CCDC30: variants seen among roughly 807,000 people sequenced by gnomAD.
CCDC30 encodes the protein coiled-coil domain-containing protein 30.
CCDC30 carries 70 observed loss-of-function variants against 100.2 expected under a neutral mutation model. The observed-to-expected ratio is 0.70, with a 90% confidence interval of 0.58 to 0.85. The LOEUF is 0.85. CCDC30 is among the 40% of genes least tolerant of loss of function. The pLI, the probability that CCDC30 is intolerant of heterozygous loss-of-function variation, is 0.00. For missense variants in CCDC30, 652 were observed against 771.2 expected, an observed-to-expected ratio of 0.85 and a Z score of 1.83; for synonymous variants, 233 against 269.5, an observed-to-expected ratio of 0.86 and a Z score of 1.33.
At chr1:42,462,314 G>C (rs894372800), upstream of CCDC30, among the ~76,000 whole-genome samples, 1 of 152,092 alleles carries the variant, frequency 6.6e-6, no homozygotes, top group Non-Finnish European at 1.5e-5. Context: ...ACCTGATCTT[G>C]GATGGAGGAT....
chr1:42,554,657 G>C (rs1348507782), intron 6 of CCDC30, among the ~76,000 whole-genome samples: 1 of 152,114 alleles, frequency 6.6e-6, no homozygotes, highest in Admixed American at 6.5e-5. Flanking sequence ...TGCTGTGCTA[G>C]GTTTCAGGGT....
intron 9 of CCDC30, among the ~76,000 whole-genome samples, chr1:42,588,641 T>G (rs886100657): frequency 6.6e-6 from 1 of 152,186 alleles, no homozygotes; most frequent in African/African-American, 2.4e-5. Flanking sequence ...TGTTGTTATA[T>G]TCCTCAATCT....
chr1:42,527,698 C>T lies in CCDC30; in HGVS notation c.456+28782C>T, dbSNP rs570993198. Among the ~76,000 whole-genome samples, 859 of 152,212 alleles carry T rather than the reference C, an allele frequency of 5.6e-3. 7 individuals carry two copies. Among genetic ancestry groups the T allele is most frequent in the Non-Finnish European group, 7.3e-3 (495 of 67,990 alleles). On this transcript the variant is annotated intron_variant, in intron 6 of 16. Coordinates refer to ENST00000668663, the Ensembl canonical transcript of CCDC30. ...AGAAAAGCAGACTGAATCTCTTATGCAAATCTCACTAACCTCCCATTCTTC... is the reference window on the plus strand; with the variant it reads ...AGAAAAGCAGACTGAATCTCTTATGTAAATCTCACTAACCTCCCATTCTTC...
Position 42,504,540 on chromosome 1 carries a change from C to T in CCDC30, c.456+5624C>T, listed in dbSNP as rs1932258. ...CATTTGGAGTTTGATTGCTATCTGCCATTCCAATGGGTTGTAATACTCATT... is the reference window on the plus strand; with the variant it reads ...CATTTGGAGTTTGATTGCTATCTGCTATTCCAATGGGTTGTAATACTCATT... On this transcript the variant is annotated intron_variant, in intron 6 of 16. Coordinates refer to ENST00000668663, the Ensembl canonical transcript of CCDC30. Among the ~76,000 whole-genome samples, 793 of 152,300 alleles carry T rather than the reference C, an allele frequency of 5.2e-3. 8 individuals are homozygous for T. Among genetic ancestry groups the T allele is most frequent in the African/African-American group, 0.018 (766 of 41,540 alleles).
intron 10 of CCDC30, chr1:42,593,086 C>G (rs1192151912): frequency 6.6e-6 from 1 of 152,194 alleles, no homozygotes; most frequent in African/African-American, 2.4e-5. Flanking sequence ...GTAAGTCAGT[C>G]TGACACTATC....
intron 12 of CCDC30, 117 bp downstream of exon 16, chr1:42,637,495 T>A: frequency 1.1e-6 from 1 of 943,490 alleles, no homozygotes. Context: ...CGTTTTCATT[T>A]CTTTTCTTTG....
chr1:42,472,120 GGC>G (rs1311820351), intron 1 of CCDC30, among the ~76,000 whole-genome samples: 9 of 151,998 alleles, frequency 5.9e-5, no homozygotes, highest in Non-Finnish European at 1.0e-4. Flanking sequence ...CAGGTGTGGT[GGC>G]ACACACCTGT....
chr1:42,519,362 A>G (rs557677726), intron 6 of CCDC30, among the ~76,000 whole-genome samples: 2 of 152,168 alleles, frequency 1.3e-5, no homozygotes, highest in African/African-American at 4.8e-5. Flanking sequence ...AAAGGATATT[A>G]GTTCTTTTTT....
chr1:42,597,566 T>C lies in CCDC30; in HGVS notation c.1164+8083T>C, dbSNP rs144137902. Among the ~76,000 whole-genome samples, 574 of 151,956 alleles carry C rather than the reference T, an allele frequency of 3.8e-3. 8 individuals are homozygous for C. The highest frequency in any genetic ancestry group is 0.013 in the African/African-American group (532 of 41,412). On this transcript the variant is annotated intron_variant, in intron 10 of 16. Coordinates refer to ENST00000668663, the Ensembl canonical transcript of CCDC30. ...GGTTCACACCTGTAATCCCAGCACT[T>C]TGAGAAGCCAAGACAGAAAGATCAC...
intron 9 of CCDC30, among the ~76,000 whole-genome samples, chr1:42,587,018 G>C (rs1646085329): frequency 6.6e-6 from 1 of 151,946 alleles, no homozygotes; most frequent in Admixed American, 6.6e-5. Flanking sequence ...TTTTTGTAGA[G>C]ATGGGGTCTC....
intron 6 of CCDC30, among the ~76,000 whole-genome samples, chr1:42,533,202 G>A (rs908268392): frequency 2.6e-5 from 4 of 152,158 alleles, no homozygotes; most frequent in African/African-American, 9.7e-5. Flanking sequence ...AGAGAGGAGA[G>A]AGAGGGAAGG....
At chr1:42,460,173 T>A, upstream of CCDC30, 1 of 1,197,304 alleles carries the variant, frequency 8.4e-7, no homozygotes, top group Non-Finnish European at 1.0e-6. Flanking sequence ...GAATTATATA[T>A]TCCTTAAAAT....
intron 14 of CCDC30, 129 bp downstream of exon 18, chr1:42,644,936 CAA>C: frequency 1.6e-6 from 1 of 632,816 alleles, no homozygotes; most frequent in Non-Finnish European, 2.8e-6. Context: ...TAGGCTGTGG[CAA>C]AGAGGCTCTT....
intron 12 of CCDC30, among the ~76,000 whole-genome samples, chr1:42,641,565 CA>C (rs200184915): frequency 3.4e-5 from 5 of 148,620 alleles, no homozygotes; most frequent in African/African-American, 7.4e-5. Context: ...AACAAAAAAA[CA>C]AAAAAAAACA....
chr1:42,624,063 T>C (rs1376225104), intron 11 of CCDC30, among the ~76,000 whole-genome samples: 1 of 152,206 alleles, frequency 6.6e-6, no homozygotes, highest in Non-Finnish European at 1.5e-5. Context: ...ATGCTACTGA[T>C]TTTTGTATGT....
intron 3 of CCDC30, among the ~76,000 whole-genome samples, chr1:42,484,832 G>C (rs1226758410): frequency 6.6e-6 from 1 of 151,632 alleles, no homozygotes; most frequent in Non-Finnish European, 1.5e-5. Flanking sequence ...ATTTTTTCAA[G>C]AATAAAAAAG....
intron 7 of CCDC30, among the ~76,000 whole-genome samples, chr1:42,570,592 T>C (rs770378323): frequency 1.3e-5 from 2 of 152,086 alleles, no homozygotes; most frequent in Non-Finnish European, 2.9e-5. Flanking sequence ...CACCCAAAAT[T>C]AGTAGTAACT....
chr1:42,508,201 T>A (rs1351637275), intron 6 of CCDC30, among the ~76,000 whole-genome samples: 2 of 152,180 alleles, frequency 1.3e-5, no homozygotes, highest in Non-Finnish European at 2.9e-5. Flanking sequence ...CAAAGACAGA[T>A]CCTCAAAATA....
At chr1:42,561,336 A>G (rs1247160848) in intron 6 of CCDC30, among the ~76,000 whole-genome samples, 1 of 152,194 alleles carries the variant, frequency 6.6e-6, no homozygotes, top group Non-Finnish European at 1.5e-5. Context: ...CATCACATAA[A>G]CGGAACCAAA....
Sources: gnomAD v4.1 joint callset for allele counts (sites outside exome capture counted in the v4.1 genomes callset) on GRCh38, gnomAD v4.1.1 for gene constraint, MANE v1.5 for transcripts, NCBI Gene and HGNC (gene_info 2026-07-23, HGNC 2026-07-21) for gene names.